EDARADD: variants seen among roughly 807,000 people sequenced by gnomAD.
EDARADD encodes the protein EDAR associated via death domain, also known as ectodysplasin-A receptor-associated adapter protein.
In EDARADD, 20 loss-of-function variants were observed where a neutral mutation model predicts 25.6. That is an observed-to-expected ratio of 0.78 (90% CI 0.55 to 1.14). EDARADD has a LOEUF of 1.14. Ranked by LOEUF, EDARADD falls within the 50% of genes most tolerant of loss-of-function variation. The probability of loss-of-function intolerance (pLI) is 0.00; values close to 1 mark genes in which losing one functional copy is unlikely to be tolerated. For missense variants in EDARADD, 225 were observed against 270.1 expected (o/e 0.83, Z 1.17); for synonymous variants, 86 against 94.4 (o/e 0.91, Z 0.52).
rs767493739 is a variant in EDARADD, at chr1:236,420,695, TGACA to T, written c.160+6400_160+6403del. Among the ~76,000 whole-genome samples the T allele has an allele frequency of 7.2e-5, 11 of 152,170 alleles. 1 individual carries two copies. Among genetic ancestry groups the T allele is most frequent in the Non-Finnish European group, 1.0e-4 (7 of 68,020 alleles). ...CTACTGTCTGAAAGGCTTAGTAAAA[TGACA>T]GACGAATGAACACACTGGAATTTGA... On this transcript the variant is annotated intron_variant, in intron 3 of 5. Transcript: ENST00000334232.
At chr1:236,366,741 C>CTTTTTTTTTTTTTT (rs1553262434) in intron 3 of EDARADD, among the ~76,000 whole-genome samples, 1 of 144,212 alleles carries the variant, frequency 6.9e-6, no homozygotes, top group Admixed American at 6.9e-5. Context: ...TCATCTCTCT[C>CTTTTTTTTTTTTTT]TTTTTTTTGT....
intron 4 of EDARADD, among the ~76,000 whole-genome samples, chr1:236,449,974 G>T (rs776424926): frequency 2.0e-5 from 3 of 152,036 alleles, no homozygotes; most frequent in Non-Finnish European, 4.4e-5. Context: ...AGTGGTGTGC[G>T]CCTGTAATCC....
intron 3 of EDARADD, among the ~76,000 whole-genome samples, chr1:236,385,747 C>A (rs1028182271): frequency 2.5e-4 from 38 of 152,008 alleles, no homozygotes; most frequent in African/African-American, 8.7e-4. Flanking sequence ...AAAGCTCTTC[C>A]TTTTACCAAA....
chr1:236,368,438 T>G (rs1191831175), intron 3 of EDARADD, among the ~76,000 whole-genome samples: 2 of 133,348 alleles, frequency 1.5e-5, no homozygotes, highest in East Asian at 2.3e-4. Flanking sequence ...ATCCAGTCTT[T>G]TCTTTTTTTT....
At chr1:236,411,559 T>G (rs1472983344) in intron 2 of EDARADD, among the ~76,000 whole-genome samples, 4 of 149,774 alleles carry the variant, frequency 2.7e-5, no homozygotes, top group Admixed American at 6.7e-5. Flanking sequence ...TTTTTTTTTT[T>G]GAGATGGGGT....
intron 1 of EDARADD, among the ~76,000 whole-genome samples, chr1:236,397,262 T>C (rs745839951): frequency 2.0e-5 from 3 of 151,896 alleles, no homozygotes; most frequent in Non-Finnish European, 4.4e-5. Context: ...ATAGAAAAAT[T>C]AGCCAAATGT....
intron 5 of EDARADD, among the ~76,000 whole-genome samples, chr1:236,481,744 A>C (rs141627973): frequency 2.0e-4 from 29 of 147,458 alleles, no homozygotes; most frequent in Middle Eastern, 3.6e-3. Context: ...ATGCCACTGC[A>C]CTCCAGCCTG....
At position 236,394,451 on chromosome 1, in the gene EDARADD, C is replaced by G. The variant is rs758261427; in HGVS notation, c.7C>G (p.Leu3Val). The part of the protein sequence containing the change: MG[L>V]RTTKQMGRGT... ...AGCCAAACTCAACATCGCCATGGGC[C>G]TCAGGACGACTAAACAGATGGGGAG... The change falls in exon 1 of 6, where the codon CTC becomes GTC. Residue 3 changes from leucine (L) to valine (V), a missense_variant. By Grantham distance (32) the Leu-to-Val change is conservative. Transcript: ENST00000334232. 8.1e-6 allele frequency: 13 copies of G among 1,614,116 alleles called. No homozygotes were observed. The highest frequency in any genetic ancestry group is 1.1e-5 in the Non-Finnish European group (13 of 1,180,012).
intron 5 of EDARADD, among the ~76,000 whole-genome samples, chr1:236,481,809 A>C (rs566521933): frequency 7.4e-5 from 11 of 147,714 alleles, no homozygotes; most frequent in African/African-American, 2.7e-4. Context: ...ACAGTAACAC[A>C]TTATTAGAAA....
intron 3 of EDARADD, among the ~76,000 whole-genome samples, chr1:236,382,365 A>C (rs1449095111): frequency 2.0e-5 from 3 of 152,094 alleles, no homozygotes; most frequent in African/African-American, 7.2e-5. Flanking sequence ...GTGTGTCTCT[A>C]CTTAGCTTGT....
chr1:236,414,093 C>A (rs752712679), intron 2 of EDARADD, among the ~76,000 whole-genome samples, 167 bp from the exon 3 acceptor site: 1 of 152,156 alleles, frequency 6.6e-6, no homozygotes, highest in African/African-American at 2.4e-5. Context: ...TCATTCCTGT[C>A]GACTGAGAAT....
At position 236,482,339 on chromosome 1, in the gene EDARADD, G is replaced by C; in HGVS notation, c.338G>C (p.Ser113Thr). The change falls in exon 6 of 6, where the codon AGT (serine) becomes ACT (threonine). Residue 113 changes from serine (S) to threonine (T), a missense_variant. Transcript: ENST00000334232. ...SSCLLRAPTI[S>T]DLLNDQDLLD... ...TGCTTGCTCCGGGCCCCCACCATAAGTGACTTGCTCAATGATCAGGACTTA... is the reference window on the plus strand; with the variant it reads ...TGCTTGCTCCGGGCCCCCACCATAACTGACTTGCTCAATGATCAGGACTTA... The C allele has an allele frequency of 6.2e-7, 1 of 1,614,122 alleles. No individual in the cohort carries two copies.
intron 1 of EDARADD, among the ~76,000 whole-genome samples, chr1:236,405,893 C>T (rs1667720754): frequency 2.4e-5 from 1 of 40,988 alleles, no homozygotes; most frequent in African/African-American, 8.3e-5. Flanking sequence ...TTCTTTCTTT[C>T]TTTCTTTCTT....
intron 3 of EDARADD, among the ~76,000 whole-genome samples, chr1:236,416,863 G>T (rs527664350): frequency 2.6e-5 from 4 of 152,258 alleles, no homozygotes; most frequent in African/African-American, 9.6e-5. Flanking sequence ...TCTCATTAAA[G>T]TTGTTTATGG....
intron 3 of EDARADD, among the ~76,000 whole-genome samples, chr1:236,376,430 T>C (rs1667226946): frequency 6.6e-6 from 1 of 152,174 alleles, no homozygotes. Flanking sequence ...TTTTGCAGGA[T>C]ATAGAATTTC....
At chr1:236,443,575 G>A (rs1032714613) in intron 4 of EDARADD, among the ~76,000 whole-genome samples, 4 of 152,204 alleles carry the variant, frequency 2.6e-5, no homozygotes, top group Admixed American at 1.3e-4. Context: ...ATTAAAATTA[G>A]AAGTGGTGCC....
chr1:236,455,817 T>A (rs2103029315), intron 4 of EDARADD, among the ~76,000 whole-genome samples: 1 of 152,088 alleles, frequency 6.6e-6, no homozygotes, highest in African/African-American at 2.4e-5. Context: ...TGAGACGGAG[T>A]CTCGCTCTGT....
chr1:236,483,560 C>T lies in EDARADD; in HGVS notation c.*911C>T. 1 of 1,265,388 alleles carries T rather than the reference C, an allele frequency of 7.9e-7. No individual in the cohort carries two copies. Among genetic ancestry groups the T allele is most frequent in the Non-Finnish European group, 1.2e-6 (1 of 864,532 alleles). 78.4% of individuals were successfully genotyped at this position (1,265,388 alleles called of 1,614,324 possible). ...TTGAGAAGGGGGTTCCCCTGTACCA[C>T]CACATCGCCGACTTGTCTGGCAACT... On this transcript the variant is annotated 3_prime_UTR_variant, in exon 6 of 6. Coordinates refer to ENST00000334232, the MANE Select transcript of EDARADD (RefSeq NM_145861.4).
intron 3 of EDARADD, among the ~76,000 whole-genome samples, 187 bp from the exon 4 acceptor site, chr1:236,427,205 T>G (rs538833446): frequency 7.8e-4 from 119 of 152,306 alleles, no homozygotes; most frequent in African/African-American, 2.7e-3. Context: ...AGCAGCATTG[T>G]TTAGCTGGGG....
Sources: allele counts gnomAD v4.1 joint callset (sites outside exome capture counted in the v4.1 genomes callset), GRCh38; gene constraint gnomAD v4.1.1; transcripts MANE v1.5; gene names NCBI Gene and HGNC (gene_info 2026-07-23, HGNC 2026-07-21).